SMARCD3: variants seen among roughly 807,000 people sequenced by gnomAD.
SMARCD3 encodes SWI/SNF related BAF chromatin remodeling complex subunit D3.
In SMARCD3, 14 loss-of-function variants were observed where a neutral mutation model predicts 58.0. The ratio of observed to expected loss-of-function variants is 0.24; its 90% confidence interval spans 0.16 to 0.38. The LOEUF is 0.38. SMARCD3 is among the 10% of genes least tolerant of loss of function. The pLI is 1.00. For missense variants in SMARCD3, 408 were observed against 636.9 expected (o/e 0.64, Z 3.87); for synonymous variants, 253 against 253.8 (o/e 1.00, Z 0.03).
intron 2 of SMARCD3, among the ~76,000 whole-genome samples, chr7:151,274,185 C>A (rs1392302904): frequency 6.6e-6 from 1 of 152,206 alleles, no homozygotes; most frequent in Non-Finnish European, 1.5e-5. Flanking sequence ...AGGGACTGGG[C>A]TCCACATACC....
intron 2 of SMARCD3, among the ~76,000 whole-genome samples, chr7:151,270,012 A>G (rs1262443619): frequency 6.6e-6 from 1 of 152,148 alleles, no homozygotes; most frequent in Admixed American, 6.5e-5. Flanking sequence ...GAAGGCTGGG[A>G]ATATTTGAAA....
chr7:151,251,076 C>T (rs142825762), upstream of SMARCD3, among the ~76,000 whole-genome samples: 1 of 152,018 alleles, frequency 6.6e-6, no homozygotes, highest in Admixed American at 6.6e-5. Flanking sequence ...AGAGGAGATG[C>T]TGGGCACTCC....
At chr7:151,254,864 G>A (rs1803649971) in intron 2 of SMARCD3, among the ~76,000 whole-genome samples, 1 of 152,224 alleles carries the variant, frequency 6.6e-6, no homozygotes, top group East Asian at 1.9e-4. Flanking sequence ...GCATTCTGGG[G>A]TCTGGGTGTC....
At position 151,243,161 on chromosome 7, in the gene SMARCD3, A is replaced by T. The variant is rs1803083700; in HGVS notation, c.334-318T>A. Reference sequence around the variant, plus strand: ...TCCTCATCTTGTCATTGTCCATATCATATGCCTGCTGGGCTTCCCCTGGGC... The same window carrying T: ...TCCTCATCTTGTCATTGTCCATATCTTATGCCTGCTGGGCTTCCCCTGGGC... On this transcript the variant is annotated intron_variant, in intron 3 of 12. Transcript: ENST00000262188. The surrounding 1 kb of genome is among the most constrained non-coding windows in gnomAD (Gnocchi z 4.4). Among the ~76,000 whole-genome samples the T allele has an allele frequency of 6.6e-6, 1 of 152,158 alleles. No homozygotes were observed. Among genetic ancestry groups the T allele is most frequent in the South Asian group, 2.1e-4 (1 of 4,830 alleles).
At chr7:151,276,145 G>A (rs760971192) in intron 1 of SMARCD3, among the ~76,000 whole-genome samples, 6 of 148,238 alleles carry the variant, frequency 4.0e-5, no homozygotes, top group African/African-American at 7.9e-5. Context: ...GTCCAGGGTC[G>A]GGGGGGAGGT....
intron 2 of SMARCD3, among the ~76,000 whole-genome samples, chr7:151,260,149 C>T (rs1464360611): frequency 6.6e-6 from 1 of 152,154 alleles, no homozygotes; most frequent in African/African-American, 2.4e-5. Flanking sequence ...TTCCTGTCCT[C>T]AAGGTCCCTG....
chr7:151,240,549 A>C, intron 8 of SMARCD3, 27 bp from the exon 9 acceptor site: 1 of 1,515,094 alleles, frequency 6.6e-7, no homozygotes, highest in East Asian at 2.3e-5. Flanking sequence ...GGGGAGAGAG[A>C]GATCACTCTT....
chr7:151,270,970 T>C, intron 2 of SMARCD3, among the ~76,000 whole-genome samples: 1 of 151,680 alleles, frequency 6.6e-6, no homozygotes. Context: ...AGAAAGGGGG[T>C]GGACTTGGTC....
chr7:151,266,763 G>A (rs575871615), intron 2 of SMARCD3, among the ~76,000 whole-genome samples: 5 of 152,344 alleles, frequency 3.3e-5, no homozygotes, highest in Admixed American at 3.3e-4. Flanking sequence ...CTAGGCTGGA[G>A]TACAGTGGTG....
upstream of SMARCD3, among the ~76,000 whole-genome samples, chr7:151,253,155 C>G (rs1037900897): frequency 2.0e-5 from 3 of 152,118 alleles, no homozygotes; most frequent in Non-Finnish European, 4.4e-5. Context: ...AGGAGGGGGA[C>G]AGAGGGAGGG....
chr7:151,248,746 G>A, upstream of SMARCD3: 3 of 1,140,126 alleles, frequency 2.6e-6, no homozygotes, highest in African/African-American at 1.6e-5. This position sits in a 1 kb window ranked among gnomAD's most constrained non-coding sequence, Gnocchi z 6.1. Context: ...CCACGCCGCC[G>A]CCGCCCGCCC....
Position 151,239,867 on chromosome 7 carries a change from G to T in SMARCD3, c.1174-121C>A. On this transcript the variant is annotated intron_variant, in intron 10 of 12. Transcript: ENST00000262188. This position sits in a 1 kb window ranked among gnomAD's most constrained non-coding sequence, Gnocchi z 7.0. ...CTTCTGTGAAGGACAACCCCTCAGA[G>T]CCCCTGATTTCTCTGAAGTCCCAGG... 1 of 1,122,528 alleles carries T rather than the reference G, an allele frequency of 8.9e-7. No homozygotes were observed. The highest frequency in any genetic ancestry group is 1.3e-6 in the Non-Finnish European group (1 of 780,454). The allele number at this position is 1,122,528 out of a possible 1,614,324, so 69.5% of individuals were successfully genotyped here.
intron 2 of SMARCD3, among the ~76,000 whole-genome samples, chr7:151,262,699 A>G (rs1353664342): frequency 2.0e-5 from 3 of 152,206 alleles, no homozygotes; most frequent in Non-Finnish European, 4.4e-5. Context: ...GGCCCCTAAC[A>G]GGGTGGGGCA....
upstream of SMARCD3, among the ~76,000 whole-genome samples, chr7:151,253,322 G>A (rs535320883): frequency 2.7e-4 from 41 of 152,244 alleles, no homozygotes; most frequent in Middle Eastern, 3.4e-3. Context: ...TCCCCTCAGA[G>A]TAGCTCTCTC....
chr7:151,239,395 C>T lies in SMARCD3; in HGVS notation c.1398+1G>A, dbSNP rs1238594262. On this transcript the variant is annotated splice_donor_variant, in intron 12 of 12. Transcript: ENST00000262188. LOFTEE classifies it high-confidence loss of function. The surrounding 1 kb of genome is among the most constrained non-coding windows in gnomAD (Gnocchi z 7.0). Reference sequence around the variant, plus strand: ...GCCTCAGGGCAAGGGTCCCTGCATACCTTGCAGTAGAAGTAGCGACTGACG... The same window carrying T: ...GCCTCAGGGCAAGGGTCCCTGCATATCTTGCAGTAGAAGTAGCGACTGACG... The T allele has an allele frequency of 6.2e-7, 1 of 1,610,546 alleles. No individual in the cohort carries two copies. The highest frequency in any genetic ancestry group is 1.3e-5 in the African/African-American group (1 of 74,834).
chr7:151,259,601 GTTT>G (rs112223142), intron 2 of SMARCD3, among the ~76,000 whole-genome samples: 11 of 70,526 alleles, frequency 1.6e-4, no homozygotes, highest in Non-Finnish European at 2.1e-4. Context: ...CAACCTGAGA[GTTT>G]TTTTTTTTTT....
At position 151,248,440 on chromosome 7, in the gene SMARCD3, C is replaced by A. The variant is rs765059561; in HGVS notation, c.78+45G>T. 7.8e-6 allele frequency: 12 copies of A among 1,543,152 alleles called. No homozygotes were observed. Among genetic ancestry groups the A allele is most frequent in the Non-Finnish European group, 1.1e-5 (12 of 1,119,034 alleles). ...CTCCCGATCAGCCCTCCATTCAGCC[C>A]GAGCCAGCTCGCTTGCCCTCCCCCG... On this transcript the variant is annotated intron_variant, in intron 1 of 12. Coordinates refer to ENST00000262188, the MANE Select transcript of SMARCD3 (RefSeq NM_001003801.2). This position sits in a 1 kb window ranked among gnomAD's most constrained non-coding sequence, Gnocchi z 6.1.
chr7:151,266,962 AG>A (rs1804100639), intron 2 of SMARCD3, among the ~76,000 whole-genome samples: 1 of 152,112 alleles, frequency 6.6e-6, no homozygotes, highest in South Asian at 2.1e-4. Flanking sequence ...AGCCTCCCGC[AG>A]TGGCCTCCCA....
intron 2 of SMARCD3, among the ~76,000 whole-genome samples, chr7:151,257,480 C>A (rs1423902277): frequency 1.3e-5 from 2 of 152,220 alleles, no homozygotes; most frequent in African/African-American, 4.8e-5. Flanking sequence ...GCACCCGCCA[C>A]CACACCCAGC....
Sources: allele counts gnomAD v4.1 joint callset (sites outside exome capture counted in the v4.1 genomes callset), GRCh38; gene constraint gnomAD v4.1.1; non-coding constraint Gnocchi (gnomAD v3.1); transcripts MANE v1.5; gene names NCBI Gene and HGNC (gene_info 2026-07-23, HGNC 2026-07-21).